The following THEMIS variants were observed in gnomAD, a reference collection of about 807,000 sequenced individuals.
The protein encoded by THEMIS is thymocyte selection associated.
In THEMIS, 37 loss-of-function variants were observed where a neutral mutation model predicts 52.6. The observed-to-expected ratio is 0.70, with a 90% CI of 0.54 to 0.93. The LOEUF (loss-of-function observed/expected upper bound fraction) is 0.93. THEMIS is among the 40% of genes least tolerant of loss of function. THEMIS has a pLI of 0.00. For missense variants in THEMIS, 808 were observed against 763.1 expected, an observed-to-expected ratio of 1.06 and a Z score of -0.69; for synonymous variants, 292 against 272.7, an observed-to-expected ratio of 1.07 and a Z score of -0.70.
chr6:127,874,244 A>T (rs999362657), intron 1 of THEMIS, among the ~76,000 whole-genome samples: 2 of 152,202 alleles, frequency 1.3e-5, no homozygotes, highest in Non-Finnish European at 2.9e-5. Context: ...ATAGCAACAG[A>T]ACAGGGCTAC....
intron 2 of THEMIS, among the ~76,000 whole-genome samples, chr6:127,839,395 C>T (rs1387708519): frequency 6.6e-6 from 1 of 151,970 alleles, no homozygotes; most frequent in Non-Finnish European, 1.5e-5. Context: ...AGTTGTTTTA[C>T]ATATTTGTTC....
rs527901791 is a variant in THEMIS, at chr6:127,886,037, T to G, written c.91+14805A>C. On this transcript the variant is annotated intron_variant, in intron 1 of 5. Coordinates refer to ENST00000368248, the MANE Select transcript of THEMIS (RefSeq NM_001010923.3). ...ACCATTTTGTCTCTCATATCGTTTC[T>G]GATCACTCTCCCCCTCCTTCCAGGC... Among the ~76,000 whole-genome samples, 31 of 152,140 alleles carry G rather than the reference T, an allele frequency of 2.0e-4. 1 individual carries two copies. The highest frequency in any genetic ancestry group is 2.1e-4 in the Non-Finnish European group (14 of 68,022).
chr6:127,726,251 G>A (rs542291228), intron 4 of THEMIS, among the ~76,000 whole-genome samples: 6 of 152,164 alleles, frequency 3.9e-5, no homozygotes, highest in South Asian at 2.1e-4. Context: ...TTCTTGGGTC[G>A]GAGGACAGAC....
At position 127,770,237 on chromosome 6, in the gene THEMIS, C is replaced by G. The variant is rs970695314; in HGVS notation, c.1758+42646G>C. ...TGGCTGAACTAGTTTACAGTCCCACCAACGGTGTAAAAGCATTCGTATTTC... is the reference window on the plus strand; with the variant it reads ...TGGCTGAACTAGTTTACAGTCCCACGAACGGTGTAAAAGCATTCGTATTTC... On this transcript the variant is annotated intron_variant, in intron 4 of 5. Coordinates refer to ENST00000368248, the MANE Select transcript of THEMIS (RefSeq NM_001010923.3). Among the ~76,000 whole-genome samples, 74 of 152,322 alleles carry G rather than the reference C, an allele frequency of 4.9e-4. 1 individual carries two copies. Among genetic ancestry groups the G allele is most frequent in the African/African-American group, 1.7e-3 (72 of 41,564 alleles).
At chr6:127,737,803 CT>C (rs1174209481) in intron 4 of THEMIS, among the ~76,000 whole-genome samples, 1 of 152,140 alleles carries the variant, frequency 6.6e-6, no homozygotes, top group Non-Finnish European at 1.5e-5. Context: ...TGTTTTTTAA[CT>C]TATTTTTAAT....
At chr6:127,719,953 T>C in intron 4 of THEMIS, 130 bp from the exon 5 acceptor site, 2 of 1,167,926 alleles carry the variant, frequency 1.7e-6, no homozygotes, top group Non-Finnish European at 2.4e-6. Flanking sequence ...CAAAGCAAGC[T>C]ACAAATTATA....
intron 2 of THEMIS, among the ~76,000 whole-genome samples, chr6:127,839,567 G>A (rs1202887783): frequency 6.6e-6 from 1 of 152,036 alleles, no homozygotes. Context: ...TAGTGGTGGA[G>A]TCACAGATCA....
intron 4 of THEMIS, among the ~76,000 whole-genome samples, chr6:127,762,776 G>T (rs1362962116): frequency 1.3e-5 from 2 of 151,992 alleles, no homozygotes; most frequent in Non-Finnish European, 2.9e-5. Context: ...CTATGGAATT[G>T]GCATTGACCT....
intron 4 of THEMIS, among the ~76,000 whole-genome samples, chr6:127,792,565 A>G (rs1479747455): frequency 6.6e-6 from 1 of 152,250 alleles, no homozygotes; most frequent in Admixed American, 6.5e-5. Flanking sequence ...TCTGAGAATC[A>G]TCATTTGGGA....
At chr6:127,810,987 T>A (rs1380643655) in intron 4 of THEMIS, among the ~76,000 whole-genome samples, 1 of 152,156 alleles carries the variant, frequency 6.6e-6, no homozygotes. Flanking sequence ...GAAGCTTAGC[T>A]GTACCCTTAA....
At chr6:127,820,712 C>G (rs895805624) in intron 3 of THEMIS, among the ~76,000 whole-genome samples, 16 of 151,952 alleles carry the variant, frequency 1.1e-4, no homozygotes, top group Non-Finnish European at 1.6e-4. Flanking sequence ...TACTGGCAAC[C>G]CAATCTGCCT....
At chr6:127,809,478 G>C (rs1406650319) in intron 4 of THEMIS, among the ~76,000 whole-genome samples, 2 of 152,060 alleles carry the variant, frequency 1.3e-5, no homozygotes, top group Non-Finnish European at 2.9e-5. Flanking sequence ...AAAATAAGGA[G>C]GTTAGTAGGT....
At chr6:127,830,259 C>CATCT (rs1310715755) in intron 2 of THEMIS, among the ~76,000 whole-genome samples, 2 of 152,184 alleles carry the variant, frequency 1.3e-5, no homozygotes, top group Non-Finnish European at 2.9e-5. Flanking sequence ...CCAAGCAAGG[C>CATCT]ATCTTACTTC....
chr6:127,709,906 GTT>G lies in THEMIS; in HGVS notation c.*77_*78del. ...TTCTGGAGTCCATTGGGGAATACTC[GTT>G]TTTCAGCTAGAAGGCTAGCTTCTTT... On this transcript the variant is annotated 3_prime_UTR_variant, in exon 6 of 6. Coordinates refer to ENST00000368248, the MANE Select transcript of THEMIS (RefSeq NM_001010923.3). The G allele has an allele frequency of 7.5e-7, 1 of 1,337,878 alleles. No individual in the cohort carries two copies. Among genetic ancestry groups the G allele is most frequent in the South Asian group, 1.3e-5 (1 of 76,918 alleles). The allele number at this position is 1,337,878 out of a possible 1,614,324, so 82.9% of individuals were successfully genotyped here.
chr6:127,829,424 C>G, intron 3 of THEMIS, 52 bp downstream of exon 3: 1 of 1,454,028 alleles, frequency 6.9e-7, no homozygotes, highest in Non-Finnish European at 9.3e-7. Flanking sequence ...CTTTCTTTCC[C>G]AAACCCCATA....
intron 4 of THEMIS, among the ~76,000 whole-genome samples, chr6:127,798,293 A>C (rs981422444): frequency 6.6e-6 from 1 of 152,232 alleles, no homozygotes; most frequent in African/African-American, 2.4e-5. Context: ...AAGTTGTGAT[A>C]TTAGTTCAAA....
At chr6:127,866,750 CA>C (rs1398045585) in intron 1 of THEMIS, among the ~76,000 whole-genome samples, 2 of 151,560 alleles carry the variant, frequency 1.3e-5, no homozygotes, top group African/African-American at 4.8e-5. Flanking sequence ...AGCACAAAAC[CA>C]GATATTATCA....
At chr6:127,853,261 A>T (rs1293256006) in intron 2 of THEMIS, among the ~76,000 whole-genome samples, 1 of 151,686 alleles carries the variant, frequency 6.6e-6, no homozygotes, top group East Asian at 1.9e-4. Context: ...TAGTGATTTA[A>T]AAAGGGAATT....
intron 4 of THEMIS, among the ~76,000 whole-genome samples, chr6:127,801,076 G>A (rs192977270): frequency 3.2e-4 from 48 of 152,320 alleles, no homozygotes; most frequent in Non-Finnish European, 4.4e-4. Flanking sequence ...AGAACACTGA[G>A]TCCTTGGCAT....
Sources: gnomAD v4.1 joint callset for allele counts (sites outside exome capture counted in the v4.1 genomes callset) on GRCh38, gnomAD v4.1.1 for gene constraint, MANE v1.5 for transcripts, NCBI Gene and HGNC (gene_info 2026-07-23, HGNC 2026-07-21) for gene names.